ANK1: variants seen among roughly 807,000 people sequenced by gnomAD.
ANK1 encodes ankyrin-1.
Under a neutral mutation model 210.4 loss-of-function variants are expected in ANK1, and 51 were observed. The ratio of observed to expected loss-of-function variants is 0.24; its 90% CI spans 0.19 to 0.31. The LOEUF (loss-of-function observed/expected upper bound fraction) is 0.31. Ranked by LOEUF, ANK1 falls within the 10% of genes least tolerant of loss-of-function variation. ANK1 has a pLI of 1.00. For missense variants in ANK1, 2,051 were observed against 2,504.4 expected, an observed-to-expected ratio of 0.82 and a Z score of 3.86; for synonymous variants, 967 against 1,025.9, an observed-to-expected ratio of 0.94 and a Z score of 1.10.
At chr8:41,748,446 T>C (rs1035267771) in intron 2 of ANK1, among the ~76,000 whole-genome samples, 1 of 152,316 alleles carries the variant, frequency 6.6e-6, no homozygotes, top group East Asian at 1.9e-4. Flanking sequence ...CTAACCTCCT[T>C]AGCTGGATTG....
chr8:41,808,732 C>T (rs982976586), intron 1 of ANK1, among the ~76,000 whole-genome samples: 2 of 152,010 alleles, frequency 1.3e-5, no homozygotes, highest in South Asian at 2.1e-4. Context: ...TAACCCACCC[C>T]CTACTGCTGC....
rs543169133 is a variant in ANK1 at position 41,850,100 on chromosome 8, G to C, written c.126+46255C>G. On this transcript the variant is annotated intron_variant, in intron 1 of 42. Transcript: ENST00000265709. ...GCCGGCACCAGGCTCAGCACGCTTC[G>C]TGAAGTCACTCGCTTCACCCTTTAT... 3.4e-4 allele frequency among the ~76,000 whole-genome samples: 52 copies of C among 152,272 alleles called. 1 individual carries two copies. Among genetic ancestry groups the C allele is most frequent in the African/African-American group, 1.0e-3 (43 of 41,552 alleles).
intron 1 of ANK1, among the ~76,000 whole-genome samples, chr8:41,889,012 T>TA (rs1818931710): frequency 6.6e-6 from 1 of 152,244 alleles, no homozygotes; most frequent in South Asian, 2.1e-4. Flanking sequence ...CTTCAGTTTT[T>TA]AAATTTTTTG....
Position 41,690,333 on chromosome 8 carries a change from C to G in ANK1, c.3998G>C (p.Ser1333Thr). The part of the protein sequence containing the change: ...LAMPVKVRDS[S>T]REPGGSLSFL... ...CGACAGGGACCCTCCCGGCTCTCGA[C>G]TGCTGTCCCTCACCTAAACTCAATC... is the stretch of plus-strand genomic sequence containing the variant. The change falls in exon 33 of 43, where the codon AGT becomes ACT. Residue 1333 changes from serine (S) to threonine (T), a missense_variant. Physicochemically the swap from Ser to Thr is moderately conservative, Grantham distance 58. Around this residue, in one of 6 missense-constraint regions of ANK1, gnomAD observed 1,413 missense variants for 1,707.4 expected, o/e 0.83. Transcript: ENST00000289734. 9 of 1,614,262 alleles carry G rather than the reference C, an allele frequency of 5.6e-6. No individual in the cohort carries two copies. The highest frequency in any genetic ancestry group is 7.6e-6 in the Non-Finnish European group (9 of 1,180,042).
chr8:41,837,858 G>A (rs924907337), intron 1 of ANK1, among the ~76,000 whole-genome samples: 11 of 152,076 alleles, frequency 7.2e-5, no homozygotes, highest in Admixed American at 3.9e-4. Flanking sequence ...GCAACAGAGC[G>A]AGACGCATCT....
intron 1 of ANK1, among the ~76,000 whole-genome samples, chr8:41,782,717 T>C (rs1356357288): frequency 6.6e-6 from 1 of 152,216 alleles, no homozygotes; most frequent in East Asian, 1.9e-4. Flanking sequence ...TAATGTTTAC[T>C]TCATCTTATG....
Position 41,690,287 on chromosome 8 carries a change from C to G in ANK1, c.4044G>C (p.Lys1348Asn). Residue 1348 changes from lysine to asparagine, a missense_variant, in exon 33 of 43, where the codon AAG becomes AAC. By Grantham distance (94) the Lys-to-Asn change is moderately conservative. Around this residue, in one of 6 missense-constraint regions of ANK1, gnomAD observed 1,413 missense variants for 1,707.4 expected, o/e 0.83. Coordinates refer to ENST00000289734, the MANE Select transcript of ANK1 (RefSeq NM_000037.4). ...AGAGAATGTGCTGGGTGTCCTCGTA[C>G]TTCATCGCCTTGCGCAGAAACGACA... ...GSLSFLRKAM[K>N]YEDTQHILCH... 6.2e-7 allele frequency: 1 copy of G among 1,614,246 alleles called. No individual in the cohort carries two copies. The highest frequency in any genetic ancestry group is 8.5e-7 in the Non-Finnish European group (1 of 1,180,044).
At chr8:41,821,692 G>A (rs1158196563) in intron 1 of ANK1, among the ~76,000 whole-genome samples, 2 of 152,050 alleles carry the variant, frequency 1.3e-5, no homozygotes, top group African/African-American at 2.4e-5. Context: ...TAAACCATCT[G>A]TTTAATAATC....
intron 38 of ANK1, among the ~76,000 whole-genome samples, chr8:41,670,269 C>A (rs1811853351): frequency 6.6e-6 from 1 of 152,024 alleles, no homozygotes; most frequent in Non-Finnish European, 1.5e-5. Context: ...TGGTGCCTGG[C>A]ACACAGTAGG....
At chr8:41,679,028 C>T (rs1055511437) in intron 37 of ANK1, among the ~76,000 whole-genome samples, 6 of 152,284 alleles carry the variant, frequency 3.9e-5, no homozygotes, top group Middle Eastern at 3.4e-3. Context: ...TCAGGTGATC[C>T]GCCCACCTCG....
chr8:41,883,745 C>G (rs1384716546), intron 1 of ANK1, among the ~76,000 whole-genome samples: 1 of 152,176 alleles, frequency 6.6e-6, no homozygotes, highest in Non-Finnish European at 1.5e-5. Context: ...CAGGCATGAG[C>G]TACAGCACCT....
Position 41,718,194 on chromosome 8 carries a change from G to C in ANK1, c.1118C>G (p.Thr373Ser). ...CTTTTTGCAGGCGATGTGTAAGGGGGTAAAGCCATTCTGCAGCCCACACAA... is the reference window on the plus strand; with the variant it reads ...CTTTTTGCAGGCGATGTGTAAGGGGCTAAAGCCATTCTGCAGCCCACACAA... ...KPNSRALNGF[T>S]PLHIACKKNH... The change falls in exon 11 of 43, where the codon ACC becomes AGC. Residue 373 changes from threonine to serine, a missense_variant. Transcript: ENST00000289734. 1 of 1,613,812 alleles carries C rather than the reference G, an allele frequency of 6.2e-7. No homozygotes were observed. The highest frequency in any genetic ancestry group is 8.5e-7 in the Non-Finnish European group (1 of 1,179,916).
Position 41,719,513 on chromosome 8 carries a change from C to T in ANK1, c.1107+148G>A, listed in dbSNP as rs1828684441. On this transcript the variant is annotated intron_variant, in intron 10 of 42. Transcript: ENST00000289734. Reference sequence around the variant, plus strand: ...GGGTGCACACCAGGCCCCCACCATCCAGTGCTGTCACACCCCACTGCTCAG... The same window carrying T: ...GGGTGCACACCAGGCCCCCACCATCTAGTGCTGTCACACCCCACTGCTCAG... 1.4e-4 allele frequency: 144 copies of T among 1,025,346 alleles called. 3 individuals are homozygous for T. In the South Asian group the frequency reaches 1.8e-3, roughly 13 times the overall value. The allele number at this position is 1,025,346 out of a possible 1,614,324, so 63.5% of individuals were successfully genotyped here.
chr8:41,813,500 A>G (rs1802807739), intron 1 of ANK1, among the ~76,000 whole-genome samples: 1 of 152,194 alleles, frequency 6.6e-6, no homozygotes, highest in Admixed American at 6.5e-5. Flanking sequence ...ATTTTCTTAC[A>G]GTCACCCCCA....
At chr8:41,666,578 C>T (rs1314539076) in intron 39 of ANK1, among the ~76,000 whole-genome samples, 1 of 152,254 alleles carries the variant, frequency 6.6e-6, no homozygotes, top group Non-Finnish European at 1.5e-5. Context: ...TTCAGGCCAC[C>T]TCCCAAGTCC....
Position 41,684,527 on chromosome 8 carries a change from G to A in ANK1, c.4537+17C>T, listed in dbSNP as rs1412648413. 1 of 1,612,930 alleles carries A rather than the reference G, an allele frequency of 6.2e-7. No individual in the cohort carries two copies. The highest frequency in any genetic ancestry group is 1.1e-5 in the South Asian group (1 of 91,042). ...AGGGCTCCGGCTCAGTCCCCATCTG[G>A]TCCAGGTGACACTCACCATTCATCT... is the stretch of plus-strand genomic sequence containing the variant. On this transcript the variant is annotated intron_variant, in intron 37 of 42. Transcript: ENST00000289734.
intron 1 of ANK1, among the ~76,000 whole-genome samples, chr8:41,866,394 G>C (rs558373333): frequency 1.4e-4 from 22 of 152,170 alleles, no homozygotes; most frequent in Non-Finnish European, 2.1e-4. Context: ...GGGTCCCACT[G>C]TGTTGCCCAG....
At chr8:41,787,330 C>T (rs1045196046) in intron 1 of ANK1, among the ~76,000 whole-genome samples, 2 of 152,184 alleles carry the variant, frequency 1.3e-5, no homozygotes, top group Non-Finnish European at 2.9e-5. Flanking sequence ...TAATGAAAAG[C>T]CTCCCCTACC....
At chr8:41,842,772 G>A (rs1366563069) in intron 1 of ANK1, among the ~76,000 whole-genome samples, 1 of 152,188 alleles carries the variant, frequency 6.6e-6, no homozygotes, top group Non-Finnish European at 1.5e-5. Flanking sequence ...GGGGAGTGCT[G>A]CTTTCACTGA....
Sources: gnomAD v4.1 joint callset for allele counts (sites outside exome capture counted in the v4.1 genomes callset) on GRCh38, gnomAD v4.1.1 for gene constraint, gnomAD v4.1.1 regional missense constraint, MANE v1.5 for transcripts, NCBI Gene and HGNC (gene_info 2026-07-23, HGNC 2026-07-21) for gene names.